FAM171B: variants seen among roughly 807,000 people sequenced by gnomAD.
FAM171B encodes the protein family with sequence similarity 171 member B.
A neutral mutation model predicts 75.6 loss-of-function variants in FAM171B; 19 were observed. The ratio of observed to expected loss-of-function variants is 0.25; its 90% CI spans 0.18 to 0.37. FAM171B has a LOEUF of 0.37. Among genes scored for constraint, FAM171B ranks in the 10% least tolerant of loss-of-function variants. FAM171B has a pLI of 1.00. For missense variants in FAM171B, 848 were observed against 982.4 expected (o/e 0.86, Z 1.83); for synonymous variants, 367 against 361.7 (o/e 1.01, Z -0.17).
chr2:186,762,946 C>A lies in FAM171B; in HGVS notation c.*123C>A. The A allele has an allele frequency of 1.7e-6, 2 of 1,163,286 alleles. No homozygotes were observed. Among genetic ancestry groups the A allele is most frequent in the East Asian group, 2.4e-5 (1 of 41,576 alleles). The allele number at this position is 1,163,286 out of a possible 1,614,324, so 72.1% of individuals were successfully genotyped here. ...TCATGGTTCTTGGACATGTCTCAAGCAGAGTAAATGGTAATTCAGTAATCA... is the reference window on the plus strand; with the variant it reads ...TCATGGTTCTTGGACATGTCTCAAGAAGAGTAAATGGTAATTCAGTAATCA... On this transcript the variant is annotated 3_prime_UTR_variant, in exon 8 of 8. Transcript: ENST00000304698. This position sits in a 1 kb window ranked among gnomAD's most constrained non-coding sequence, Gnocchi z 4.0.
chr2:186,760,290 A>G (rs1559094263), intron 6 of FAM171B, among the ~76,000 whole-genome samples: 1 of 152,114 alleles, frequency 6.6e-6, no homozygotes, highest in Non-Finnish European at 1.5e-5. Flanking sequence ...TGTTCACTCT[A>G]GAGCCCAGGT....
intron 1 of FAM171B, among the ~76,000 whole-genome samples, chr2:186,708,498 T>C (rs1215556210): frequency 6.6e-6 from 1 of 152,074 alleles, no homozygotes; most frequent in Non-Finnish European, 1.5e-5. Flanking sequence ...CCACACATAA[T>C]AATAGTGTGA....
At chr2:186,761,397 A>T in intron 7 of FAM171B, 82 bp from the exon 8 acceptor site, 1 of 1,473,084 alleles carries the variant, frequency 6.8e-7, no homozygotes, top group Non-Finnish European at 9.1e-7. Context: ...CATGTATGAT[A>T]TGTAGATTGG....
rs200723494 is a variant in FAM171B at position 186,741,838 on chromosome 2, A to AATATTAAATACAGTGGACAGGC, written c.472+1378_472+1399dup. On this transcript the variant is annotated intron_variant, in intron 2 of 7. Transcript: ENST00000304698. ...ATCTGCACAAATAAACGTATGTTAAAATATTAAATACAGTGGACAGGCGTT... is the reference window on the plus strand; with the variant it reads ...ATCTGCACAAATAAACGTATGTTAAAATATTAAATACAGTGGACAGGCATATTAAATACAGTGGACAGGCGTT... Among the ~76,000 whole-genome samples the AATATTAAATACAGTGGACAGGC allele has an allele frequency of 2.6e-3, 394 of 152,270 alleles. 11 individuals are homozygous for AATATTAAATACAGTGGACAGGC. In the East Asian group the frequency reaches 0.061, roughly 24 times the overall value.
intron 1 of FAM171B, among the ~76,000 whole-genome samples, chr2:186,710,446 T>C (rs1234021522): frequency 6.6e-6 from 1 of 152,232 alleles, no homozygotes; most frequent in Middle Eastern, 3.2e-3. Context: ...TTTCCACCAC[T>C]TCTATACTCA....
chr2:186,738,438 T>C (rs1574107567), intron 1 of FAM171B, among the ~76,000 whole-genome samples: 1 of 151,912 alleles, frequency 6.6e-6, no homozygotes, highest in African/African-American at 2.4e-5. Flanking sequence ...TCTGGAGTTT[T>C]TGTGGGCTTA....
intron 4 of FAM171B, among the ~76,000 whole-genome samples, chr2:186,749,272 T>G (rs1257418911): frequency 6.6e-6 from 1 of 152,174 alleles, no homozygotes; most frequent in Non-Finnish European, 1.5e-5. Flanking sequence ...CTTTTTTCCC[T>G]TGCACCATTC....
At chr2:186,697,386 G>A (rs1419044602) in intron 1 of FAM171B, among the ~76,000 whole-genome samples, 1 of 151,948 alleles carries the variant, frequency 6.6e-6, no homozygotes, top group East Asian at 1.9e-4. Context: ...AACTACAGAT[G>A]CGTGCCGCTG....
Position 186,762,968 on chromosome 2 carries a change from A to C in FAM171B, c.*145A>C, listed in dbSNP as rs376261421. 1.3e-5 allele frequency: 12 copies of C among 957,874 alleles called. No individual in the cohort carries two copies. The East Asian group carries it at 2.1e-4, about 17-fold the overall frequency. 59.3% of individuals were successfully genotyped at this position (957,874 alleles called of 1,614,324 possible). A position where few individuals can be genotyped will look rare whatever the true frequency, so the allele number is the denominator to read the frequency against. On this transcript the variant is annotated 3_prime_UTR_variant, in exon 8 of 8. Transcript: ENST00000304698. This position sits in a 1 kb window ranked among gnomAD's most constrained non-coding sequence, Gnocchi z 4.0. ...AAGCAGAGTAAATGGTAATTCAGTAATCAGAGAGAAAGATACCAAGGAATG... is the reference window on the plus strand; with the variant it reads ...AAGCAGAGTAAATGGTAATTCAGTACTCAGAGAGAAAGATACCAAGGAATG...
At chr2:186,705,587 T>TTAA (rs1397643576) in intron 1 of FAM171B, among the ~76,000 whole-genome samples, 1 of 152,158 alleles carries the variant, frequency 6.6e-6, no homozygotes, top group African/African-American at 2.4e-5. Context: ...CCATGGTTAA[T>TTAA]TAAGCCTTTG....
chr2:186,762,104 A>C lies in FAM171B; in HGVS notation c.1762A>C (p.Lys588Gln). The change falls in exon 8 of 8, where the codon AAA (lysine) becomes CAA (glutamine). Residue 588 changes from lysine to glutamine, a missense_variant. Lys to Gln is a moderately conservative substitution (Grantham distance 53). Around this residue, in one of 3 missense-constraint regions of FAM171B, gnomAD observed 665 missense variants for 729.0 expected, o/e 0.91. Coordinates refer to ENST00000304698, the MANE Select transcript of FAM171B (RefSeq NM_177454.4). This position sits in a 1 kb window ranked among gnomAD's most constrained non-coding sequence, Gnocchi z 4.0. ...AGAGAACTTTACGCAGACCTTGCCC[A>C]AAATGCCAATTCATTCTCATGCACA... ...NRENFTQTLP[K>Q]MPIHSHAQPP... 6.2e-7 allele frequency: 1 copy of C among 1,613,736 alleles called. No homozygotes were observed. Among genetic ancestry groups the C allele is most frequent in the Non-Finnish European group, 8.5e-7 (1 of 1,179,792 alleles).
chr2:186,739,393 T>C (rs932295873), intron 1 of FAM171B, among the ~76,000 whole-genome samples: 1 of 152,222 alleles, frequency 6.6e-6, no homozygotes, highest in Non-Finnish European at 1.5e-5. Flanking sequence ...GATTCTTTTG[T>C]AATAACACTT....
intron 1 of FAM171B, among the ~76,000 whole-genome samples, chr2:186,707,603 AG>A (rs1035795715): frequency 1.3e-5 from 2 of 152,140 alleles, no homozygotes; most frequent in African/African-American, 2.4e-5. Flanking sequence ...GTGACCTGTA[AG>A]GCTTTGCATG....
chr2:186,703,946 A>C (rs1689700614), intron 1 of FAM171B, among the ~76,000 whole-genome samples: 1 of 152,208 alleles, frequency 6.6e-6, no homozygotes, highest in Admixed American at 6.5e-5. Flanking sequence ...CTATTTAAGT[A>C]AAACGAACCA....
intron 6 of FAM171B, among the ~76,000 whole-genome samples, chr2:186,760,493 G>A (rs1690598599): frequency 6.6e-6 from 1 of 152,076 alleles, no homozygotes; most frequent in Admixed American, 6.6e-5. Context: ...CAAAGCTCAA[G>A]TTAGTTAAAA....
Position 186,761,460 on chromosome 2 carries a change from G to A in FAM171B, c.1137-19G>A. 1 of 1,530,936 alleles carries A rather than the reference G, an allele frequency of 6.5e-7. No individual in the cohort carries two copies. The highest frequency in any genetic ancestry group is 8.7e-7 in the Non-Finnish European group (1 of 1,147,960). 94.8% of individuals were successfully genotyped at this position (1,530,936 alleles called of 1,614,324 possible). On this transcript the variant is annotated intron_variant, in intron 7 of 7. Coordinates refer to ENST00000304698, the MANE Select transcript of FAM171B (RefSeq NM_177454.4). ...GTGTCATAACTTTTAAATATTTTTT[G>A]CCTTCTCTTCTACTCTAGGGACAAG...
intron 4 of FAM171B, among the ~76,000 whole-genome samples, chr2:186,750,005 CAG>C (rs1029426145): frequency 6.6e-6 from 1 of 152,022 alleles, no homozygotes; most frequent in African/African-American, 2.4e-5. Flanking sequence ...CAGACAATAT[CAG>C]AAATATATTT....
chr2:186,732,237 T>C (rs1038991282), intron 1 of FAM171B, among the ~76,000 whole-genome samples: 2 of 152,146 alleles, frequency 1.3e-5, no homozygotes, highest in African/African-American at 4.8e-5. Context: ...TGGTTTGGCA[T>C]GAGTATGTGT....
chr2:186,757,002 A>G (rs1472205191), intron 6 of FAM171B, among the ~76,000 whole-genome samples: 3 of 152,270 alleles, frequency 2.0e-5, no homozygotes, highest in African/African-American at 2.4e-5. Flanking sequence ...GAGTTGGGGT[A>G]TATCACCCTT....
Sources: allele counts gnomAD v4.1 joint callset (sites outside exome capture counted in the v4.1 genomes callset), GRCh38; gene constraint gnomAD v4.1.1; regional missense constraint gnomAD v4.1.1; non-coding constraint Gnocchi (gnomAD v3.1); transcripts MANE v1.5; gene names NCBI Gene and HGNC (gene_info 2026-07-23, HGNC 2026-07-21).